The following FAAH2 variants were observed in gnomAD, a reference collection of about 807,000 sequenced individuals.
The protein encoded by FAAH2 is fatty acid amide hydrolase 2, also known as fatty-acid amide hydrolase 2.
Under a neutral mutation model 36.9 loss-of-function variants are expected in FAAH2, and 60 were observed. That is an observed-to-expected ratio of 1.63 (90% CI 1.32 to 2.02). FAAH2 has a LOEUF of 2.02. FAAH2 is among the 30% of genes most tolerant of loss of function. The pLI, the probability that FAAH2 is intolerant of heterozygous loss-of-function variation, is 0.00. For missense variants in FAAH2, 689 were observed against 397.5 expected (o/e 1.73, Z -6.23); for synonymous variants, 214 against 143.8 (o/e 1.49, Z -3.49).
At chrX:57,360,930 G>T (rs2054272805) in intron 5 of FAAH2, among the ~76,000 whole-genome samples, 1 of 111,268 alleles carries the variant, frequency 9.0e-6, no homozygotes, top group Admixed American at 9.6e-5. Flanking sequence ...TGCAGTGTTT[G>T]GTCTTCCATC....
intron 2 of FAAH2, among the ~76,000 whole-genome samples, chrX:57,302,824 A>G (rs1467287121): frequency 1.8e-5 from 2 of 110,998 alleles, no homozygotes; most frequent in Non-Finnish European, 3.8e-5. Context: ...TGTCACAGCC[A>G]CCCTTAGGCC....
intron 10 of FAAH2, among the ~76,000 whole-genome samples, chrX:57,450,497 A>G (rs1476653367): frequency 8.9e-6 from 1 of 111,864 alleles, no homozygotes; most frequent in Non-Finnish European, 1.9e-5. Context: ...AATAATGCTC[A>G]TTCATGTTTT....
At chrX:57,397,396 A>G (rs1035582544) in intron 7 of FAAH2, among the ~76,000 whole-genome samples, 1 of 111,996 alleles carries the variant, frequency 8.9e-6, no homozygotes, top group African/African-American at 3.2e-5. Context: ...ATGTGCTTTT[A>G]TGATGTCAGT....
chrX:57,484,089 G>A (rs1447279375), intron 10 of FAAH2, among the ~76,000 whole-genome samples: 3 of 110,888 alleles, frequency 2.7e-5, no homozygotes, highest in East Asian at 2.8e-4. Flanking sequence ...ACAGACATGA[G>A]CCACTGCGCC....
At chrX:57,441,457 T>C (rs896311951) in intron 8 of FAAH2, among the ~76,000 whole-genome samples, 2 of 111,522 alleles carry the variant, frequency 1.8e-5, no homozygotes, top group African/African-American at 3.3e-5. Flanking sequence ...ATACCCTTTA[T>C]CATTTTTTAT....
At chrX:57,454,015 G>T (rs970994313) in intron 10 of FAAH2, among the ~76,000 whole-genome samples, 2 of 110,907 alleles carry the variant, frequency 1.8e-5, no homozygotes, top group South Asian at 7.6e-4. Context: ...ACCAGTGATC[G>T]AAGGGGGCTC....
At chrX:57,133,201 T>C in the FAAH2 span, among the ~76,000 whole-genome samples, 5 of 112,487 alleles carry the variant, frequency 4.4e-5, no homozygotes, top group South Asian at 7.4e-4. Context: ...TAATTGCTTA[T>C]TTATTTTGGC....
At chrX:57,292,613 A>G (rs1446288660) in intron 2 of FAAH2, 33 bp downstream of exon 2, 5 of 1,142,525 alleles carry the variant, frequency 4.4e-6, no homozygotes, top group South Asian at 3.8e-5. Flanking sequence ...GGAGTCATTT[A>G]TGGTGGTTTT....
intron 3 of FAAH2, among the ~76,000 whole-genome samples, chrX:57,324,881 A>G (rs1389240702): frequency 8.9e-6 from 1 of 111,982 alleles, no homozygotes; most frequent in Non-Finnish European, 1.9e-5. Context: ...ACTATGTTGA[A>G]TAGGAGTGGT....
the FAAH2 span, among the ~76,000 whole-genome samples, chrX:57,211,875 C>A: frequency 8.9e-6 from 1 of 111,734 alleles, no homozygotes; most frequent in African/African-American, 3.3e-5. Flanking sequence ...AGAAAAATGA[C>A]CCTATTCAAC....
the FAAH2 span, among the ~76,000 whole-genome samples, chrX:57,236,702 G>A: frequency 1.8e-5 from 2 of 111,071 alleles, no homozygotes; most frequent in African/African-American, 6.5e-5. Context: ...GATTATTTGG[G>A]GGGGGTGTTT....
At chrX:57,295,567 A>C (rs1011032928) in intron 2 of FAAH2, among the ~76,000 whole-genome samples, 6 of 111,844 alleles carry the variant, frequency 5.4e-5, no homozygotes, top group African/African-American at 2.0e-4. Flanking sequence ...TTTCCAACGG[A>C]GGTACTGGGT....
chrX:57,262,226 T>C, the FAAH2 span, among the ~76,000 whole-genome samples: 2 of 111,425 alleles, frequency 1.8e-5, no homozygotes, highest in Non-Finnish European at 3.8e-5. Flanking sequence ...TTGGTGAGTA[T>C]ACTGGTGTGT....
the FAAH2 span, among the ~76,000 whole-genome samples, chrX:57,141,557 A>G: frequency 1.6e-4 from 18 of 111,187 alleles, no homozygotes; most frequent in Non-Finnish European, 3.0e-4. Context: ...CAGCCACAAG[A>G]TCATGGGCTT....
the FAAH2 span, among the ~76,000 whole-genome samples, chrX:57,142,431 A>G: frequency 8.9e-6 from 1 of 112,209 alleles, no homozygotes; most frequent in South Asian, 3.6e-4. Flanking sequence ...CTGGTTATTT[A>G]TTTCTATTGT....
chrX:57,338,142 G>A lies in FAAH2; in HGVS notation c.623-3129G>A, dbSNP rs192811621. Among the ~76,000 whole-genome samples the A allele has an allele frequency of 1.7e-3, 186 of 111,517 alleles. 1 individual carries two copies. The highest frequency in any genetic ancestry group is 5.7e-3 in the African/African-American group (175 of 30,698). On this transcript the variant is annotated intron_variant, in intron 4 of 10. Coordinates refer to ENST00000374900, the MANE Select transcript of FAAH2 (RefSeq NM_174912.4). ...AGCTTTTAATCACCTGGGTGCAGGC[G>A]GGCTGAGTCTGAAAAGAGAGTCAGC...
intron 10 of FAAH2, among the ~76,000 whole-genome samples, chrX:57,459,070 G>A (rs2056913081): frequency 8.9e-6 from 1 of 112,455 alleles, no homozygotes; most frequent in African/African-American, 3.2e-5. Context: ...AGCAAGCTAA[G>A]AACCACTGGC....
the FAAH2 span, chrX:57,134,933 T>C: frequency 8.9e-6 from 1 of 111,966 alleles, no homozygotes; most frequent in Admixed American, 9.4e-5. Context: ...AACATGCTCT[T>C]CTAGTGAACC....
chrX:57,292,818 G>A (rs192033045), intron 2 of FAAH2, among the ~76,000 whole-genome samples: 2 of 111,642 alleles, frequency 1.8e-5, no homozygotes, highest in Non-Finnish European at 3.8e-5. Context: ...ACTAAATTTT[G>A]TTGTTTTTGC....
Sources: allele counts gnomAD v4.1 joint callset (sites outside exome capture counted in the v4.1 genomes callset), GRCh38; gene constraint gnomAD v4.1.1; transcripts MANE v1.5; gene names NCBI Gene and HGNC (gene_info 2026-07-23, HGNC 2026-07-21).